ANK1: variants seen among roughly 807,000 people sequenced by gnomAD.
ANK1 encodes the protein ankyrin-1.
In ANK1, 51 loss-of-function variants were observed where a neutral mutation model predicts 210.4. The ratio of observed to expected loss-of-function variants is 0.24; its 90% CI spans 0.19 to 0.31. ANK1 has a LOEUF of 0.31. Among genes scored for constraint, ANK1 ranks in the 10% least tolerant of loss-of-function variants. The probability of loss-of-function intolerance (pLI) is 1.00; values close to 1 mark genes in which losing one functional copy is unlikely to be tolerated. For synonymous variants in ANK1, 967 were observed against 1,025.9 expected (o/e 0.94, Z 1.10); for missense variants, 2,051 against 2,504.4 (o/e 0.82, Z 3.86).
At chr8:41,715,958 C>G (rs1827558177) in intron 13 of ANK1, 109 bp from the exon 14 acceptor site, 4 of 1,225,868 alleles carry the variant, frequency 3.3e-6, no homozygotes, top group Non-Finnish European at 4.7e-6. Flanking sequence ...GTGACCTTCT[C>G]AAGGTCACAC....
rs191663063 is a variant in ANK1 at position 41,879,424 on chromosome 8, C to T, written c.126+16931G>A. On this transcript the variant is annotated intron_variant, in intron 1 of 42. Coordinates refer to the ANK1 transcript ENST00000265709. ...TCTCGAGAACATTGACATTCCCCAGCAATTAAGTCAAATTAACATAATTCA... is the reference window on the plus strand; with the variant it reads ...TCTCGAGAACATTGACATTCCCCAGTAATTAAGTCAAATTAACATAATTCA... 1.1e-4 allele frequency among the ~76,000 whole-genome samples: 17 copies of T among 152,332 alleles called. No individual in the cohort carries two copies. The East Asian group carries it at 2.9e-3, about 26-fold the overall frequency.
At chr8:41,852,063 G>C (rs1811354892) in intron 1 of ANK1, among the ~76,000 whole-genome samples, 1 of 152,192 alleles carries the variant, frequency 6.6e-6, no homozygotes, top group South Asian at 2.1e-4. Context: ...AAGAAAAGTA[G>C]TATGTTAAGA....
chr8:41,891,405 C>A (rs1819432599), intron 1 of ANK1, among the ~76,000 whole-genome samples: 1 of 152,172 alleles, frequency 6.6e-6, no homozygotes, highest in African/African-American at 2.4e-5. Flanking sequence ...GTCCCCTGCC[C>A]AGGGAGGTGA....
intron 42 of ANK1, among the ~76,000 whole-genome samples, chr8:41,659,087 A>G (rs1806868234): frequency 6.6e-6 from 1 of 152,204 alleles, no homozygotes; most frequent in South Asian, 2.1e-4. Context: ...AAGACGCCTT[A>G]TGTAATATAT....
At chr8:41,702,595 T>C (rs148822671) in intron 20 of ANK1, among the ~76,000 whole-genome samples, 26 of 152,306 alleles carry the variant, frequency 1.7e-4, no homozygotes, top group Admixed American at 1.6e-3. Context: ...ATCCATATAC[T>C]TCAATGAACT....
At chr8:41,814,258 G>A (rs183680123) in intron 1 of ANK1, among the ~76,000 whole-genome samples, 2 of 152,124 alleles carry the variant, frequency 1.3e-5, no homozygotes, top group East Asian at 3.9e-4. Flanking sequence ...TACTCAGGAG[G>A]CTGAGGCAGG....
intron 24 of ANK1, among the ~76,000 whole-genome samples, chr8:41,697,511 G>A (rs934253057): frequency 6.6e-6 from 1 of 151,984 alleles, no homozygotes; most frequent in Non-Finnish European, 1.5e-5. Flanking sequence ...GCTGGTTAGG[G>A]CCTCCCTGCT....
rs531335668 is a variant in ANK1 at position 41,694,517 on chromosome 8, G to A, written c.3327+75C>T. The A allele has an allele frequency of 8.6e-6, 12 of 1,395,522 alleles. No individual in the cohort carries two copies. The highest frequency in any genetic ancestry group is 1.9e-5 in the Admixed American group (1 of 52,950). 86.4% of individuals were successfully genotyped at this position (1,395,522 alleles called of 1,614,324 possible). On this transcript the variant is annotated intron_variant, in intron 28 of 42. Coordinates refer to ENST00000289734, the MANE Select transcript of ANK1 (RefSeq NM_000037.4). The surrounding 1 kb of genome is among the most constrained non-coding windows in gnomAD (Gnocchi z 5.7). Reference sequence around the variant, plus strand: ...CCAGACAAAAGTGTGGGGATGTCCTGGGGAAGAGGGTGGCCTTCCCGGAGG... The same window carrying A: ...CCAGACAAAAGTGTGGGGATGTCCTAGGGAAGAGGGTGGCCTTCCCGGAGG...
chr8:41,789,508 C>T (rs1393861320), intron 1 of ANK1, among the ~76,000 whole-genome samples: 1 of 152,212 alleles, frequency 6.6e-6, no homozygotes, highest in Non-Finnish European at 1.5e-5. Flanking sequence ...GGCTGCGGTG[C>T]CCACAAGCTG....
chr8:41,763,889 C>CTTTTTTTTTTTTTTTTTTTTTTTTTTTCT (rs869100297), intron 1 of ANK1, among the ~76,000 whole-genome samples: 1 of 57,808 alleles, frequency 1.7e-5, no homozygotes, highest in Non-Finnish European at 3.0e-5. Flanking sequence ...TTCTTTTTTT[C>CTTTTTTTTTTTTTTTTTTTTTTTTTTTCT]TTTTTTTTTT....
intron 1 of ANK1, among the ~76,000 whole-genome samples, chr8:41,880,745 G>C (rs984076953): frequency 2.0e-4 from 30 of 152,264 alleles, no homozygotes; most frequent in Admixed American, 1.8e-3. Flanking sequence ...CCAGGTCCCA[G>C]AGAAGGCTCA....
intron 30 of ANK1, 83 bp from the exon 31 acceptor site, chr8:41,692,959 A>G: frequency 6.5e-7 from 1 of 1,539,906 alleles, no homozygotes; most frequent in Non-Finnish European, 9.0e-7. Context: ...CCCGTGAGCC[A>G]TACCATGGCT....
chr8:41,672,508 C>G lies in ANK1; in HGVS notation c.4942G>C (p.Glu1648Gln). ...TGCCTCTTAGAACCTGGCAGCTTCT[C>G]TTCTGACCTCTGACCTTCCTCCTGT... ...LEQEEGQRSE[E>Q]KLPGSKRQDD... The change falls in exon 38 of 43, where the codon GAG becomes CAG. Residue 1648 changes from glutamate to glutamine, a missense_variant. Coordinates refer to ENST00000289734, the MANE Select transcript of ANK1 (RefSeq NM_000037.4). 6.2e-7 allele frequency: 1 copy of G among 1,614,256 alleles called. No homozygotes were observed. Among genetic ancestry groups the G allele is most frequent in the Non-Finnish European group, 8.5e-7 (1 of 1,180,048 alleles).
intron 1 of ANK1, among the ~76,000 whole-genome samples, chr8:41,771,876 G>A (rs531435084): frequency 6.6e-6 from 1 of 152,304 alleles, no homozygotes; most frequent in Admixed American, 6.5e-5. Flanking sequence ...ACACTTGATG[G>A]GCTGCTGCTG....
intron 2 of ANK1, among the ~76,000 whole-genome samples, chr8:41,738,202 T>A (rs868199107): frequency 6.6e-5 from 10 of 151,382 alleles, no homozygotes; most frequent in Admixed American, 6.6e-4. Context: ...AGATGAGAAG[T>A]GTTTAGATTC....
chr8:41,822,064 A>AAGAG (rs10605195), intron 1 of ANK1, among the ~76,000 whole-genome samples: 275 of 36,002 alleles, frequency 7.6e-3, no homozygotes, highest in Non-Finnish European at 9.7e-3. Context: ...GAAAGAAAGA[A>AAGAG]AGAGAGAGAG....
At chr8:41,684,827 GA>G in intron 36 of ANK1, 137 bp from the exon 37 acceptor site, 1 of 1,130,184 alleles carries the variant, frequency 8.8e-7, no homozygotes, top group Non-Finnish European at 1.3e-6. Context: ...TCTTTTATTA[GA>G]GTCAAAACAA....
chr8:41,723,152 G>T lies in ANK1; in HGVS notation c.882C>A (p.His294Gln). 6.2e-7 allele frequency: 1 copy of T among 1,614,166 alleles called. No individual in the cohort carries two copies. The highest frequency in any genetic ancestry group is 1.1e-5 in the South Asian group (1 of 91,074). ...TGGTTTTGGCTTGGATTGGTGCCCC[G>T]TGGTCCAGCAGGATCTCTGAGATTC... is the stretch of plus-strand genomic sequence containing the variant. ...HVRISEILLD[H>Q]GAPIQAKTKN... Residue 294 changes from histidine (H) to glutamine (Q), a missense_variant, in exon 9 of 43, where the codon CAC (histidine) becomes CAA (glutamine). Transcript: ENST00000289734.
In ANK1 at chr8:41,694,319, C is replaced by G. The variant is rs945376253; in HGVS notation, c.3328-217G>C. On this transcript the variant is annotated intron_variant, in intron 28 of 42. Coordinates refer to ENST00000289734, the MANE Select transcript of ANK1 (RefSeq NM_000037.4). The surrounding 1 kb of genome is among the most constrained non-coding windows in gnomAD (Gnocchi z 5.7). ...AGGGCTGGTGCATCTTTGCTAGCACCACAGTCAACTCCCGGAGGTCATGCG... is the reference window on the plus strand; with the variant it reads ...AGGGCTGGTGCATCTTTGCTAGCACGACAGTCAACTCCCGGAGGTCATGCG... Among the ~76,000 whole-genome samples, 1 of 152,212 alleles carries G rather than the reference C, an allele frequency of 6.6e-6. No homozygotes were observed. The highest frequency in any genetic ancestry group is 1.5e-5 in the Non-Finnish European group (1 of 68,022).
Sources: allele counts gnomAD v4.1 joint callset (sites outside exome capture counted in the v4.1 genomes callset), GRCh38; gene constraint gnomAD v4.1.1; non-coding constraint Gnocchi (gnomAD v3.1); transcripts MANE v1.5; gene names NCBI Gene and HGNC (gene_info 2026-07-23, HGNC 2026-07-21).